GRM8: variants seen among roughly 807,000 people sequenced by gnomAD.
GRM8 encodes glutamate metabotropic receptor 8.
In GRM8, 47 loss-of-function variants were observed where a neutral mutation model predicts 87.2. The ratio of observed to expected loss-of-function variants is 0.54; its 90% CI spans 0.43 to 0.69. The LOEUF is 0.69. Ranked by LOEUF, GRM8 falls within the 30% of genes least tolerant of loss-of-function variation. GRM8 has a pLI of 0.00. For synonymous variants in GRM8, 396 were observed against 404.5 expected, an observed-to-expected ratio of 0.98 and a Z score of 0.25; for missense variants, 1,019 against 1,139.2, an observed-to-expected ratio of 0.89 and a Z score of 1.52.
chr7:126,845,602 A>G (rs1178070203), intron 6 of GRM8, among the ~76,000 whole-genome samples: 1 of 152,234 alleles, frequency 6.6e-6, no homozygotes, highest in Admixed American at 6.5e-5. Context: ...ACATTTGTAC[A>G]ATCTCATACC....
At chr7:126,472,414 C>T (rs1219317476) in intron 9 of GRM8, among the ~76,000 whole-genome samples, 1 of 152,076 alleles carries the variant, frequency 6.6e-6, no homozygotes, top group African/African-American at 2.4e-5. Context: ...TGAATTTTGT[C>T]AAAGGCCTTT....
At chr7:126,594,813 A>T (rs1264398402) in intron 8 of GRM8, among the ~76,000 whole-genome samples, 1 of 152,178 alleles carries the variant, frequency 6.6e-6, no homozygotes, top group Non-Finnish European at 1.5e-5. Flanking sequence ...ACTTCAAAAC[A>T]TCATGTTGTA....
chr7:127,224,838 T>C (rs1164363308), intron 2 of GRM8, among the ~76,000 whole-genome samples: 2 of 152,158 alleles, frequency 1.3e-5, no homozygotes. Flanking sequence ...CTGGTCTGAA[T>C]TCCTGAACTC....
intron 3 of GRM8, among the ~76,000 whole-genome samples, chr7:127,000,821 T>C (rs1434744192): frequency 2.0e-5 from 3 of 151,666 alleles, no homozygotes; most frequent in East Asian, 3.9e-4. Context: ...TGCCACTGAA[T>C]TGAATACTTA....
chr7:127,109,694 C>T (rs570139195), intron 2 of GRM8, among the ~76,000 whole-genome samples: 1 of 152,290 alleles, frequency 6.6e-6, no homozygotes, highest in East Asian at 1.9e-4. Flanking sequence ...CTCTCAAGAC[C>T]AAGCAGGGTC....
chr7:126,968,380 G>A (rs749129964), intron 3 of GRM8, among the ~76,000 whole-genome samples: 1 of 152,116 alleles, frequency 6.6e-6, no homozygotes, highest in Non-Finnish European at 1.5e-5. Context: ...CTTGTTATAA[G>A]AATGGTAAAT....
chr7:126,641,625 C>T (rs1449557566), intron 7 of GRM8, among the ~76,000 whole-genome samples: 1 of 152,142 alleles, frequency 6.6e-6, no homozygotes, highest in Non-Finnish European at 1.5e-5. Flanking sequence ...ATTTAATCCT[C>T]ACATCCCTGA....
intron 3 of GRM8, among the ~76,000 whole-genome samples, chr7:127,004,733 G>A (rs2402848): frequency 0.14 from 21,836 of 151,446 alleles, 1,596 homozygotes; most frequent in East Asian, 0.25. Flanking sequence ...TTCCAGAATC[G>A]TAACCTTCAA....
chr7:126,478,194 C>CA (rs1563052085), intron 9 of GRM8, among the ~76,000 whole-genome samples: 1 of 152,128 alleles, frequency 6.6e-6, no homozygotes, highest in Non-Finnish European at 1.5e-5. Flanking sequence ...CCATTTAACA[C>CA]ACAACAATTA....
chr7:127,067,587 A>G (rs967513175), intron 3 of GRM8, among the ~76,000 whole-genome samples: 29 of 152,214 alleles, frequency 1.9e-4, no homozygotes, highest in Non-Finnish European at 2.9e-5. Flanking sequence ...GACTGCCTAT[A>G]ATAGATAAAA....
chr7:127,194,212 C>T (rs541872825), intron 2 of GRM8, among the ~76,000 whole-genome samples: 1 of 152,290 alleles, frequency 6.6e-6, no homozygotes, highest in African/African-American at 2.4e-5. Flanking sequence ...AAAATGTGGG[C>T]TTTAGAGTTG....
At chr7:126,927,801 C>T (rs777683666) in intron 3 of GRM8, among the ~76,000 whole-genome samples, 11 of 152,120 alleles carry the variant, frequency 7.2e-5, no homozygotes, top group African/African-American at 2.2e-4. Flanking sequence ...TTGTGGAAGT[C>T]GGTGTGGCAA....
chr7:127,026,534 T>C (rs570101642), intron 3 of GRM8, among the ~76,000 whole-genome samples: 2 of 152,246 alleles, frequency 1.3e-5, no homozygotes, highest in South Asian at 2.1e-4. Flanking sequence ...TTTTAATGAT[T>C]GCCATTCTAA....
intron 2 of GRM8, among the ~76,000 whole-genome samples, chr7:127,222,276 C>T (rs1290699945): frequency 6.6e-6 from 1 of 152,178 alleles, no homozygotes; most frequent in East Asian, 1.9e-4. Flanking sequence ...GGCGTGGTGG[C>T]ACATACCTAT....
At position 126,832,224 on chromosome 7, in the gene GRM8, A is replaced by G. The variant is rs944999287; in HGVS notation, c.1157-62159T>C. Among the ~76,000 whole-genome samples the G allele has an allele frequency of 3.3e-5, 5 of 152,090 alleles. No individual in the cohort carries two copies. The East Asian group carries it at 7.7e-4, about 23-fold the overall frequency. On this transcript the variant is annotated intron_variant, in intron 6 of 10. Coordinates refer to ENST00000339582, the MANE Select transcript of GRM8 (RefSeq NM_000845.3). ...TAAAGAAAGAAAAGAAAGAAGTGCC[A>G]TAGTGGACTAGATCCCTTATCTACT... is the stretch of plus-strand genomic sequence containing the variant.
intron 3 of GRM8, among the ~76,000 whole-genome samples, chr7:126,977,225 G>C (rs1811082422): frequency 6.6e-6 from 1 of 152,118 alleles, no homozygotes; most frequent in South Asian, 2.1e-4. Flanking sequence ...TGGTTCAGAG[G>C]TTCTGATTTG....
chr7:127,036,959 C>T lies in GRM8; in HGVS notation c.727+69537G>A, dbSNP rs1201450364. 2.0e-5 allele frequency among the ~76,000 whole-genome samples: 3 copies of T among 152,078 alleles called. No individual in the cohort carries two copies. In the East Asian group the frequency reaches 5.8e-4, roughly 29 times the overall value. On this transcript the variant is annotated intron_variant, in intron 3 of 10. Transcript: ENST00000339582. ...GTTCTATTTAATGACCCACATTTAC[C>T]TTTCCTTTTAATTTTCTCCTGCTTT...
intron 10 of GRM8, among the ~76,000 whole-genome samples, chr7:126,439,856 G>GTGTGTC (rs757319327): frequency 1.9e-4 from 29 of 151,092 alleles, no homozygotes; most frequent in Non-Finnish European, 2.8e-4. Context: ...GTGTGTGTGT[G>GTGTGTC]TCTTAGTTTT....
chr7:126,618,435 C>T (rs1332142549), intron 7 of GRM8, among the ~76,000 whole-genome samples: 1 of 152,164 alleles, frequency 6.6e-6, no homozygotes, highest in Non-Finnish European at 1.5e-5. Flanking sequence ...TAGAAGAAAA[C>T]CTGGGCAATA....
Sources: gnomAD v4.1 joint callset for allele counts (sites outside exome capture counted in the v4.1 genomes callset) on GRCh38, gnomAD v4.1.1 for gene constraint, MANE v1.5 for transcripts, NCBI Gene and HGNC (gene_info 2026-07-23, HGNC 2026-07-21) for gene names.